Variants in LPCAT2 observed in about 807,000 individuals in gnomAD.
LPCAT2 encodes the protein 1-AGP acyltransferase 11.
LPCAT2 carries 58 observed loss-of-function variants against 64.7 expected under a neutral mutation model. That is an observed-to-expected ratio of 0.90 (90% CI 0.73 to 1.12). LPCAT2 has a LOEUF of 1.12. LPCAT2 is among the 50% of genes most tolerant of loss of function. LPCAT2 has a pLI of 0.00. For synonymous variants in LPCAT2, 252 were observed against 245.3 expected (o/e 1.03, Z -0.26); for missense variants, 579 against 669.8 (o/e 0.86, Z 1.50).
Position 55,559,674 on chromosome 16 carries a change from C to T in LPCAT2, c.1215+8572C>T, listed in dbSNP as rs561921038. Among the ~76,000 whole-genome samples, 107 of 150,126 alleles carry T rather than the reference C, an allele frequency of 7.1e-4. 1 individual carries two copies. The highest frequency in any genetic ancestry group is 1.0e-3 in the Admixed American group (15 of 14,994). On this transcript the variant is annotated intron_variant, in intron 11 of 13. Coordinates refer to ENST00000262134, the MANE Select transcript of LPCAT2 (RefSeq NM_017839.5). ...ACGTTTTATATGTAATACAGTATTTCATAATTCACATGAAAAGAACCATTT... is the reference window on the plus strand; with the variant it reads ...ACGTTTTATATGTAATACAGTATTTTATAATTCACATGAAAAGAACCATTT...
At chr16:55,567,465 T>G in intron 11 of LPCAT2, 1 of 1,613,690 alleles carries the variant, frequency 6.2e-7, no homozygotes, top group Non-Finnish European at 8.5e-7. Context: ...GATTCAAGTG[T>G]CTATCAAAGA....
In LPCAT2 at chr16:55,541,933, T is replaced by C. The variant is rs570441736; in HGVS notation, c.853-3802T>C. ...CTCTTCGAAGATTTAAAAGAAGAAT[T>C]ACACAAAGAACTAGAACTGCACATT... On this transcript the variant is annotated intron_variant, in intron 8 of 13. Transcript: ENST00000262134. The C allele has an allele frequency of 3.4e-5, 44 of 1,275,688 alleles. 1 individual carries two copies. In the East Asian group the frequency reaches 2.3e-3, roughly 66 times the overall value. 79.0% of individuals were successfully genotyped at this position (1,275,688 alleles called of 1,614,324 possible).
chr16:55,566,175 A>G (rs1341216750), intron 11 of LPCAT2, among the ~76,000 whole-genome samples: 3 of 152,316 alleles, frequency 2.0e-5, no homozygotes, highest in Admixed American at 6.5e-5. Context: ...AGCCCTATGG[A>G]ATCAGAATCT....
intron 9 of LPCAT2, among the ~76,000 whole-genome samples, 162 bp downstream of exon 9, chr16:55,545,979 A>G (rs970019632): frequency 3.3e-5 from 5 of 152,236 alleles, no homozygotes; most frequent in Admixed American, 6.5e-5. Context: ...CAGTATAACA[A>G]TCTATAAGTA....
At chr16:55,561,804 T>C (rs9936305) in intron 11 of LPCAT2, among the ~76,000 whole-genome samples, 4 of 151,890 alleles carry the variant, frequency 2.6e-5, no homozygotes, top group African/African-American at 9.7e-5. Context: ...TTTTGCTGAG[T>C]AGTTAAAGAA....
At chr16:55,562,859 A>G (rs560947582) in intron 11 of LPCAT2, among the ~76,000 whole-genome samples, 64 of 152,022 alleles carry the variant, frequency 4.2e-4, no homozygotes, top group African/African-American at 1.4e-3. Flanking sequence ...AGAACTTCCA[A>G]TAACCTCTGG....
At chr16:55,554,742 A>T (rs961636502) in intron 11 of LPCAT2, among the ~76,000 whole-genome samples, 1 of 152,168 alleles carries the variant, frequency 6.6e-6, no homozygotes, top group Non-Finnish European at 1.5e-5. Flanking sequence ...CTTCCTCACT[A>T]AGCTTAATCA....
intron 1 of LPCAT2, among the ~76,000 whole-genome samples, chr16:55,519,966 A>G (rs1963072296): frequency 6.6e-6 from 1 of 152,226 alleles, no homozygotes; most frequent in Admixed American, 6.5e-5. Flanking sequence ...AACTCAAGGA[A>G]GAAAACAGAA....
At chr16:55,569,410 A>C (rs1246894483) in intron 11 of LPCAT2, among the ~76,000 whole-genome samples, 3 of 152,236 alleles carry the variant, frequency 2.0e-5, no homozygotes, top group Non-Finnish European at 4.4e-5. Context: ...GAATAAGTCC[A>C]GGAATATGTT....
At chr16:55,516,746 TA>T in intron 1 of LPCAT2, among the ~76,000 whole-genome samples, 1 of 152,240 alleles carries the variant, frequency 6.6e-6, no homozygotes, top group East Asian at 1.9e-4. Flanking sequence ...GACAGTATCA[TA>T]AGGAAATTGA....
At chr16:55,561,478 A>G (rs1411130918) in intron 11 of LPCAT2, among the ~76,000 whole-genome samples, 1 of 151,410 alleles carries the variant, frequency 6.6e-6, no homozygotes, top group African/African-American at 2.4e-5. Context: ...CATCCAGAGG[A>G]GAAAAAGCTT....
Position 55,525,544 on chromosome 16 carries a change from G to A in LPCAT2, c.208G>A (p.Val70Ile), listed in dbSNP as rs952251609. ...TGGGATTATCTTGCTTCCAATTCGT[G>A]TCTTATTGGTTGCGTTAATTTTATT... ...LLGIILLPIRVLLVALILLLA... is the reference protein window; with the variant it reads ...LLGIILLPIRILLVALILLLA... Residue 70 changes from valine (V) to isoleucine (I), a missense_variant, in exon 2 of 14, where the codon GTC (valine) becomes ATC (isoleucine). Coordinates refer to ENST00000262134, the MANE Select transcript of LPCAT2 (RefSeq NM_017839.5). 3 of 1,609,462 alleles carry A rather than the reference G, an allele frequency of 1.9e-6. No homozygotes were observed. The highest frequency in any genetic ancestry group is 1.1e-5 in the South Asian group (1 of 90,522).
chr16:55,566,548 T>C (rs1963698584), intron 11 of LPCAT2: 3 of 539,752 alleles, frequency 5.6e-6, no homozygotes, highest in African/African-American at 1.9e-5. Flanking sequence ...ACAATTTTAT[T>C]GAGGCCTTGT....
At chr16:55,510,882 A>AAC (rs1962922798) in intron 1 of LPCAT2, among the ~76,000 whole-genome samples, 1 of 152,202 alleles carries the variant, frequency 6.6e-6, no homozygotes, top group Non-Finnish European at 1.5e-5. Context: ...TTTGGAAAGA[A>AAC]ACAGCATGGA....
rs749965780 is a variant in LPCAT2 at position 55,545,793 on chromosome 16, A to C, written c.911A>C (p.Asn304Thr). 6.2e-7 allele frequency: 1 copy of C among 1,612,102 alleles called. No individual in the cohort carries two copies. The highest frequency in any genetic ancestry group is 8.5e-7 in the Non-Finnish European group (1 of 1,178,834). Residue 304 changes from asparagine to threonine, a missense_variant, in exon 9 of 14, where the codon AAT becomes ACT. By Grantham distance (65) the Asn-to-Thr change is moderately conservative. Coordinates refer to ENST00000262134, the MANE Select transcript of LPCAT2 (RefSeq NM_017839.5). ...AAAAATGATCCTGTCCTTTTTGCCA[A>C]TAAAGTCCGGAATTTAATGGCAGAG... ...EEKNDPVLFA[N>T]KVRNLMAEAL...
intron 11 of LPCAT2, among the ~76,000 whole-genome samples, chr16:55,564,526 C>T (rs1156838795): frequency 2.0e-5 from 3 of 151,914 alleles, no homozygotes; most frequent in Non-Finnish European, 4.4e-5. Context: ...GAATAGAGAT[C>T]CCAGAAGAAA....
chr16:55,537,027 G>A (rs1486435277), intron 7 of LPCAT2, among the ~76,000 whole-genome samples: 3 of 152,024 alleles, frequency 2.0e-5, no homozygotes, highest in African/African-American at 4.8e-5. Flanking sequence ...GTTCAGAAAT[G>A]TAATGATCTA....
intron 10 of LPCAT2, among the ~76,000 whole-genome samples, chr16:55,549,981 C>T (rs1963497636): frequency 6.6e-6 from 1 of 152,134 alleles, no homozygotes; most frequent in Admixed American, 6.5e-5. Flanking sequence ...ACCCTTACTG[C>T]AGTTCATTCT....
At chr16:55,567,040 T>C in intron 11 of LPCAT2, 1 of 1,613,778 alleles carries the variant, frequency 6.2e-7, no homozygotes, top group Non-Finnish European at 8.5e-7. Flanking sequence ...GACATGGAGG[T>C]GGGTGCCACT....
Sources: gnomAD v4.1 joint callset for allele counts (sites outside exome capture counted in the v4.1 genomes callset) on GRCh38, gnomAD v4.1.1 for gene constraint, MANE v1.5 for transcripts, NCBI Gene and HGNC (gene_info 2026-07-23, HGNC 2026-07-21) for gene names.